Variants in PRKCG observed in about 807,000 individuals in gnomAD.
PRKCG encodes protein kinase C gamma type.
In PRKCG, 28 loss-of-function variants were observed where a neutral mutation model predicts 82.0. The observed-to-expected ratio is 0.34, with a 90% confidence interval of 0.25 to 0.47. PRKCG has a LOEUF of 0.47. Ranked by LOEUF, PRKCG falls within the 20% of genes least tolerant of loss-of-function variation. The pLI, the probability that PRKCG is intolerant of heterozygous loss-of-function variation, is 1.00. For synonymous variants in PRKCG, 383 were observed against 376.6 expected (o/e 1.02, Z -0.20); for missense variants, 640 against 952.7 (o/e 0.67, Z 4.32).
Position 53,892,747 on chromosome 19 carries a change from C to T in PRKCG, c.821+104C>T. The T allele has an allele frequency of 1.5e-6, 2 of 1,337,614 alleles. No homozygotes were observed. The highest frequency in any genetic ancestry group is 2.0e-6 in the Non-Finnish European group (2 of 977,998). 82.9% of individuals were successfully genotyped at this position (1,337,614 alleles called of 1,614,324 possible). On this transcript the variant is annotated intron_variant, in intron 7 of 17. Coordinates refer to ENST00000263431, the MANE Select transcript of PRKCG (RefSeq NM_002739.5). The surrounding 1 kb of genome is among the most constrained non-coding windows in gnomAD (Gnocchi z 5.9). ...CACTGTCCTTCCCTCTGCCTCCCAGCATGCGCACACACACACACACACACA... is the reference window on the plus strand; with the variant it reads ...CACTGTCCTTCCCTCTGCCTCCCAGTATGCGCACACACACACACACACACA...
intron 5 of PRKCG, 106 bp from the exon 6 acceptor site, chr19:53,891,568 C>T (rs975896369): frequency 1.4e-5 from 20 of 1,424,434 alleles, no homozygotes; most frequent in Middle Eastern, 1.8e-4. Context: ...AGGCATGAGC[C>T]GCCGTGCCTG....
rs1248868551 is a variant in PRKCG, at chr19:53,900,368, G to A, written c.1373+44G>A. On this transcript the variant is annotated intron_variant, in intron 12 of 17. Transcript: ENST00000263431. This position sits in a 1 kb window ranked among gnomAD's most constrained non-coding sequence, Gnocchi z 4.2. ...AGAATGGTCGGGGTGGTGGAAGGGGGCAGGATCCAGCCACTGACCTTCTGA... is the reference window on the plus strand; with the variant it reads ...AGAATGGTCGGGGTGGTGGAAGGGGACAGGATCCAGCCACTGACCTTCTGA... 1.2e-6 allele frequency: 2 copies of A among 1,613,908 alleles called. No homozygotes were observed. The highest frequency in any genetic ancestry group is 1.1e-5 in the South Asian group (1 of 91,080).
chr19:53,906,593 A>G (rs2068813530), intron 17 of PRKCG, 114 bp from the exon 18 acceptor site: 1 of 1,548,232 alleles, frequency 6.5e-7, no homozygotes, highest in African/African-American at 1.4e-5. Flanking sequence ...TGCAGACACC[A>G]TGAAGCATGA....
chr19:53,886,465 G>A (rs2068632314), intron 3 of PRKCG, among the ~76,000 whole-genome samples: 1 of 151,812 alleles, frequency 6.6e-6, no homozygotes, highest in Admixed American at 6.6e-5. Context: ...TACAGTGATG[G>A]GATCATAGCT....
In PRKCG at chr19:53,893,756, A is replaced by ATTTATTTTTATTTTTATT. The variant is rs577672346; in HGVS notation, c.939+379_939+396dup. 1.6e-4 allele frequency among the ~76,000 whole-genome samples: 24 copies of ATTTATTTTTATTTTTATT among 151,082 alleles called. No individual in the cohort carries two copies. In the East Asian group the frequency reaches 3.9e-3, roughly 25 times the overall value. On this transcript the variant is annotated intron_variant, in intron 9 of 17. Transcript: ENST00000263431. ...TCTTGAGGTTTTTTAAAATTTTTTA[A>ATTTATTTTTATTTTTATT]TTTATTTTTATTTTTATTTTTATTT...
chr19:53,900,206 C>T lies in PRKCG; in HGVS notation c.1282-27C>T. Reference sequence around the variant, plus strand: ...TCCTACTCTGGGTAGATGGATCCCGCCTCTAAGCCCATGCACTTCTCCGCA... The same window carrying T: ...TCCTACTCTGGGTAGATGGATCCCGTCTCTAAGCCCATGCACTTCTCCGCA... On this transcript the variant is annotated intron_variant, in intron 11 of 17. Coordinates refer to ENST00000263431, the MANE Select transcript of PRKCG (RefSeq NM_002739.5). This position sits in a 1 kb window ranked among gnomAD's most constrained non-coding sequence, Gnocchi z 4.2. 1 of 1,601,050 alleles carries T rather than the reference C, an allele frequency of 6.2e-7. No homozygotes were observed. The highest frequency in any genetic ancestry group is 8.6e-7 in the Non-Finnish European group (1 of 1,168,146).
At position 53,906,793 on chromosome 19, in the gene PRKCG, C is replaced by T. The variant is rs752079083; in HGVS notation, c.1992C>T (p.Ser664=). ...LTPPDRLVLA[S]IDQADFQGFT... The stretch of plus-strand genomic sequence containing the variant: ...CTCCAGACCGCCTAGTCCTGGCCAG[C>T]ATCGACCAGGCCGATTTCCAGGGCT... Residue 664 remains serine (S), a synonymous_variant, in exon 18 of 18, where the codon AGC becomes AGT. Transcript: ENST00000263431. The T allele has an allele frequency of 7.4e-6, 12 of 1,613,600 alleles. No homozygotes were observed. The highest frequency in any genetic ancestry group is 9.3e-6 in the Non-Finnish European group (11 of 1,180,024).
Position 53,884,072 on chromosome 19 carries a change from C to G in PRKCG, c.203-89C>G. On this transcript the variant is annotated intron_variant, in intron 2 of 17. Transcript: ENST00000263431. This position sits in a 1 kb window ranked among gnomAD's most constrained non-coding sequence, Gnocchi z 4.6. ...TCTGGTTTTCTCAGTGTCCGAGTTC[C>G]GCTCTCTCTTTCCAATTTTCTGTCT... The G allele has an allele frequency of 7.7e-7, 1 of 1,292,674 alleles. No homozygotes were observed. Among genetic ancestry groups the G allele is most frequent in the South Asian group, 1.2e-5 (1 of 84,080 alleles). 80.1% of individuals were successfully genotyped at this position (1,292,674 alleles called of 1,614,324 possible). A position where few individuals can be genotyped will look rare whatever the true frequency, so the allele number is the denominator to read the frequency against.
At chr19:53,881,220 A>G (rs1315770365), upstream of PRKCG, among the ~76,000 whole-genome samples, 5 of 152,154 alleles carry the variant, frequency 3.3e-5, no homozygotes, top group Non-Finnish European at 7.3e-5. Flanking sequence ...AGACAAACAA[A>G]AACAGAGACG....
chr19:53,886,599 A>G (rs191723068), intron 3 of PRKCG, among the ~76,000 whole-genome samples: 310 of 152,048 alleles, frequency 2.0e-3, no homozygotes, highest in Non-Finnish European at 3.4e-3. Context: ...GTAGAGATGG[A>G]GTCTCACTCA....
In PRKCG at chr19:53,884,273, T is replaced by G. The variant is rs779704798; in HGVS notation, c.285+30T>G. 1 of 1,605,626 alleles carries G rather than the reference T, an allele frequency of 6.2e-7. No individual in the cohort carries two copies. Among genetic ancestry groups the G allele is most frequent in the South Asian group, 1.1e-5 (1 of 90,920 alleles). ...GTGCTCGGACACCTGGTTCTCCTCC[T>G]CGGGCCGTGCCCCCGCCCTCACCCC... On this transcript the variant is annotated intron_variant, in intron 3 of 17. Coordinates refer to ENST00000263431, the MANE Select transcript of PRKCG (RefSeq NM_002739.5). This position sits in a 1 kb window ranked among gnomAD's most constrained non-coding sequence, Gnocchi z 4.6.
intron 9 of PRKCG, among the ~76,000 whole-genome samples, chr19:53,894,466 CT>C (rs768693020): frequency 3.9e-4 from 53 of 137,392 alleles, no homozygotes; most frequent in Admixed American, 3.6e-4. Context: ...TTCTTTCTTT[CT>C]TTTTTTTTTT....
chr19:53,881,932 C>T, upstream of PRKCG: 1 of 183,566 alleles, frequency 5.4e-6, no homozygotes, highest in Non-Finnish European at 1.2e-5. Flanking sequence ...GGGTCAGACA[C>T]AGGGACCCCA....
In PRKCG at chr19:53,906,817, C is replaced by T. The variant is rs2068816188; in HGVS notation, c.2016C>T (p.Gly672=). ...LASIDQADFQ[G]FTYVNPDFVH... ...GCATCGACCAGGCCGATTTCCAGGG[C>T]TTCACCTACGTGAACCCCGACTTCG... The change falls in exon 18 of 18, where the codon GGC becomes GGT. Residue 672 remains glycine, a synonymous_variant. Transcript: ENST00000263431. The T allele has an allele frequency of 3.7e-6, 6 of 1,613,688 alleles. No homozygotes were observed. The highest frequency in any genetic ancestry group is 3.3e-5 in the South Asian group (3 of 91,084).
intron 14 of PRKCG, among the ~76,000 whole-genome samples, chr19:53,902,480 T>C (rs919633546): frequency 2.8e-4 from 42 of 152,158 alleles, no homozygotes; most frequent in African/African-American, 9.9e-4. Context: ...ACAAATATTC[T>C]AGGTGGGTGG....
intron 16 of PRKCG, among the ~76,000 whole-genome samples, chr19:53,905,914 G>GTCTCTCTC (rs371309466): frequency 7.9e-6 from 1 of 126,514 alleles, no homozygotes; most frequent in Non-Finnish European, 1.6e-5. Flanking sequence ...CCTTCTTCCT[G>GTCTCTCTC]TCTCTCTCTC....
At chr19:53,897,820 CAGGGTAGG>C (rs2068728333) in intron 9 of PRKCG, 131 bp from the exon 10 acceptor site, 2 of 1,105,736 alleles carry the variant, frequency 1.8e-6, no homozygotes. Flanking sequence ...AAGCCAAGGA[CAGGGTAGG>C]AGGGTGGCCA....
intron 9 of PRKCG, among the ~76,000 whole-genome samples, chr19:53,894,112 C>G (rs907320252): frequency 1.3e-5 from 2 of 151,516 alleles, no homozygotes; most frequent in Non-Finnish European, 2.9e-5. Context: ...GACGCCCAGG[C>G]TGGAGTGCAG....
At chr19:53,886,230 G>A (rs2068630489) in intron 3 of PRKCG, among the ~76,000 whole-genome samples, 1 of 150,210 alleles carries the variant, frequency 6.7e-6, no homozygotes. Flanking sequence ...TCAGCCTCCC[G>A]AGTAGCTGGG....
Sources: gnomAD v4.1 joint callset for allele counts (sites outside exome capture counted in the v4.1 genomes callset) on GRCh38, gnomAD v4.1.1 for gene constraint, Gnocchi (gnomAD v3.1) non-coding constraint, MANE v1.5 for transcripts, NCBI Gene and HGNC (gene_info 2026-07-23, HGNC 2026-07-21) for gene names.